The following TRAPPC9 variants were observed in gnomAD, a reference collection of about 807,000 sequenced individuals.
TRAPPC9 encodes trafficking protein particle complex subunit 9.
In TRAPPC9, 83 loss-of-function variants were observed where a neutral mutation model predicts 124.0. That is an observed-to-expected ratio of 0.67 (90% CI 0.56 to 0.80). The LOEUF (loss-of-function observed/expected upper bound fraction) is 0.80, where lower values mean the gene tolerates loss of function less well. TRAPPC9 is among the 30% of genes least tolerant of loss of function. The pLI is 0.00. For synonymous variants in TRAPPC9, 638 were observed against 617.5 expected (o/e 1.03, Z -0.49); for missense variants, 1,302 against 1,508.3 (o/e 0.86, Z 2.27).
intron 10 of TRAPPC9, among the ~76,000 whole-genome samples, chr8:140,302,389 G>A (rs967888687): frequency 6.6e-6 from 1 of 152,188 alleles, no homozygotes; most frequent in African/African-American, 2.4e-5. Flanking sequence ...TTTCCACTCA[G>A]CTGTGAGCCT....
intron 19 of TRAPPC9, among the ~76,000 whole-genome samples, chr8:139,925,492 A>C (rs1832754236): frequency 6.6e-6 from 1 of 152,194 alleles, no homozygotes; most frequent in African/African-American, 2.4e-5. Context: ...TCACGCCTGT[A>C]ATCCCAGCAC....
intron 19 of TRAPPC9, among the ~76,000 whole-genome samples, chr8:139,918,246 T>C (rs1368667345): frequency 6.6e-6 from 1 of 152,194 alleles, no homozygotes; most frequent in Non-Finnish European, 1.5e-5. Context: ...AGAGTGAGCA[T>C]CAGGAAACGG....
intron 21 of TRAPPC9, among the ~76,000 whole-genome samples, chr8:139,830,572 GCA>G (rs1171250894): frequency 6.7e-6 from 1 of 149,772 alleles, no homozygotes; most frequent in African/African-American, 2.5e-5. Flanking sequence ...AAATACACAT[GCA>G]CACACATACA....
chr8:140,419,022 G>T (rs548412081), intron 5 of TRAPPC9, among the ~76,000 whole-genome samples: 1 of 151,992 alleles, frequency 6.6e-6, no homozygotes, highest in South Asian at 2.1e-4. Context: ...AACCAGGCGC[G>T]GTGGCTCACG....
chr8:140,255,556 CA>C (rs1270210069), intron 15 of TRAPPC9, among the ~76,000 whole-genome samples: 1 of 152,200 alleles, frequency 6.6e-6, no homozygotes, highest in Non-Finnish European at 1.5e-5. Flanking sequence ...ACTTTAACGA[CA>C]GTCTGAGGAA....
At chr8:139,733,549 C>T (rs1817972340) in intron 21 of TRAPPC9, among the ~76,000 whole-genome samples, 1 of 152,190 alleles carries the variant, frequency 6.6e-6, no homozygotes, top group African/African-American at 2.4e-5. Context: ...GACTTCATGT[C>T]ATCCAAGTAC....
intron 21 of TRAPPC9, among the ~76,000 whole-genome samples, chr8:139,805,694 C>T (rs190067246): frequency 2.1e-4 from 32 of 152,146 alleles, no homozygotes; most frequent in African/African-American, 7.5e-4. Flanking sequence ...AAAAGGAGCC[C>T]GTAGCATGAG....
intron 19 of TRAPPC9, among the ~76,000 whole-genome samples, chr8:139,949,070 C>T (rs1334514844): frequency 4.6e-5 from 7 of 151,284 alleles, no homozygotes; most frequent in African/African-American, 1.7e-4. Context: ...GAGACTCCAT[C>T]TCAAAAAAAT....
chr8:140,066,170 T>C (rs779272048), intron 17 of TRAPPC9, among the ~76,000 whole-genome samples: 7 of 152,190 alleles, frequency 4.6e-5, no homozygotes, highest in Non-Finnish European at 8.8e-5. Context: ...ACTGCAGATA[T>C]GGTAGAAATA....
intron 17 of TRAPPC9, among the ~76,000 whole-genome samples, chr8:140,164,442 A>G (rs755140014): frequency 1.2e-4 from 19 of 152,050 alleles, no homozygotes; most frequent in African/African-American, 4.1e-4. Context: ...TCTGCCACCC[A>G]TCCTTCTTCC....
At chr8:140,426,787 T>C in intron 4 of TRAPPC9, 146 bp from the exon 5 acceptor site, 1 of 773,090 alleles carries the variant, frequency 1.3e-6, no homozygotes. Context: ...AGGAACAGTA[T>C]GTTACAAGTT....
chr8:140,297,472 TTATA>T (rs1405555534), intron 11 of TRAPPC9, among the ~76,000 whole-genome samples: 1 of 152,004 alleles, frequency 6.6e-6, no homozygotes, highest in Non-Finnish European at 1.5e-5. Flanking sequence ...CTAGAGTAGA[TTATA>T]TAGTTAGTGC....
Position 139,730,162 on chromosome 8 carries a change from C to T in TRAPPC9, c.*899G>A, listed in dbSNP as rs1405658451. On this transcript the variant is annotated 3_prime_UTR_variant, in exon 23 of 23. Coordinates refer to ENST00000438773, the MANE Select transcript of TRAPPC9 (RefSeq NM_001160372.4). Reference sequence around the variant, plus strand: ...CTCCCCTGCAGGCCTCCTTCCACCTCCCAGACAAGCTGCTGGTGACCAGAT... The same window carrying T: ...CTCCCCTGCAGGCCTCCTTCCACCTTCCAGACAAGCTGCTGGTGACCAGAT... Among the ~76,000 whole-genome samples the T allele has an allele frequency of 6.6e-6, 1 of 152,196 alleles. No homozygotes were observed. Among genetic ancestry groups the T allele is most frequent in the Non-Finnish European group, 1.5e-5 (1 of 68,034 alleles).
intron 17 of TRAPPC9, among the ~76,000 whole-genome samples, chr8:140,054,946 T>C (rs910591026): frequency 2.0e-5 from 3 of 152,212 alleles, no homozygotes; most frequent in African/African-American, 4.8e-5. Context: ...CCAGATGGCT[T>C]CACTGGTGAA....
intron 20 of TRAPPC9, among the ~76,000 whole-genome samples, chr8:139,888,136 C>T (rs1007736610): frequency 2.9e-4 from 44 of 152,354 alleles, no homozygotes; most frequent in African/African-American, 1.0e-3. Flanking sequence ...ATCCCGTCCT[C>T]CCTCAGTAGA....
intron 21 of TRAPPC9, among the ~76,000 whole-genome samples, chr8:139,806,518 G>C (rs1407491973): frequency 1.3e-5 from 2 of 152,220 alleles, no homozygotes; most frequent in East Asian, 3.8e-4. Flanking sequence ...ATTAAGAGTG[G>C]AGCAGAAGTA....
intron 18 of TRAPPC9, among the ~76,000 whole-genome samples, chr8:140,015,401 A>C (rs927235834): frequency 3.3e-5 from 5 of 152,260 alleles, no homozygotes; most frequent in Non-Finnish European, 5.9e-5. Context: ...CAAAATGAAA[A>C]GTAATGAATT....
At chr8:140,357,801 G>A (rs1028201175) in intron 9 of TRAPPC9, among the ~76,000 whole-genome samples, 2 of 152,144 alleles carry the variant, frequency 1.3e-5, no homozygotes, top group African/African-American at 4.8e-5. Context: ...CAGCTTCCAC[G>A]GTGGCCCTGC....
chr8:139,830,283 G>A (rs1825894926), intron 21 of TRAPPC9, among the ~76,000 whole-genome samples: 1 of 113,008 alleles, frequency 8.8e-6, no homozygotes, highest in Non-Finnish European at 1.6e-5. Context: ...ACACAAATGA[G>A]CATACACATG....
Sources: allele counts gnomAD v4.1 joint callset (sites outside exome capture counted in the v4.1 genomes callset), GRCh38; gene constraint gnomAD v4.1.1; transcripts MANE v1.5; gene names NCBI Gene and HGNC (gene_info 2026-07-23, HGNC 2026-07-21).